Variants in MCUB observed in about 807,000 individuals in gnomAD.
MCUB encodes mitochondrial calcium uniporter dominant negative subunit beta.
In MCUB, 46 loss-of-function variants were observed where a neutral mutation model predicts 41.4. The ratio of observed to expected loss-of-function variants is 1.11; its 90% CI spans 0.88 to 1.42. The LOEUF (loss-of-function observed/expected upper bound fraction) is 1.42, where lower values mean the gene tolerates loss of function less well. Ranked by LOEUF, MCUB falls within the 40% of genes most tolerant of loss-of-function variation. The pLI is 0.00. For missense variants in MCUB, 403 were observed against 404.9 expected, an observed-to-expected ratio of 1.00 and a Z score of 0.04; for synonymous variants, 148 against 148.2, an observed-to-expected ratio of 1.00 and a Z score of 0.01.
At chr4:109,619,629 C>T (rs1473060196) in intron 1 of MCUB, among the ~76,000 whole-genome samples, 1 of 152,120 alleles carries the variant, frequency 6.6e-6, no homozygotes, top group Non-Finnish European at 1.5e-5. Context: ...ATCACTTGAA[C>T]CTGGGAGGTG....
intron 1 of MCUB, among the ~76,000 whole-genome samples, chr4:109,626,028 T>C (rs928094421): frequency 6.6e-5 from 10 of 152,322 alleles, no homozygotes; most frequent in Non-Finnish European, 1.2e-4. Flanking sequence ...TAGTTACAAA[T>C]GGGTGTCCTA....
intron 1 of MCUB, among the ~76,000 whole-genome samples, chr4:109,570,094 A>G (rs927120067): frequency 1.3e-5 from 2 of 152,196 alleles, no homozygotes; most frequent in African/African-American, 4.8e-5. Context: ...TACTTCCATA[A>G]ATAGAGCCTT....
chr4:109,659,280 G>GC (rs5860986), intron 2 of MCUB, among the ~76,000 whole-genome samples, 194 bp downstream of exon 2: 149,456 of 152,122 alleles, frequency 0.98, 73,438 homozygotes, highest in East Asian at 1. Flanking sequence ...TCCCACCTCA[G>GC]AATCAGAGGA....
At chr4:109,640,961 A>T (rs1343499811) in intron 1 of MCUB, among the ~76,000 whole-genome samples, 1 of 152,222 alleles carries the variant, frequency 6.6e-6, no homozygotes, top group African/African-American at 2.4e-5. Flanking sequence ...AGTAAGAGAT[A>T]TGCCACTCTT....
chr4:109,683,859 A>AGG (rs1729771917), intron 5 of MCUB, among the ~76,000 whole-genome samples: 1 of 152,208 alleles, frequency 6.6e-6, no homozygotes, highest in African/African-American at 2.4e-5. Context: ...TGGGTTTCAG[A>AGG]GGATGACTTC....
At chr4:109,598,616 AC>A (rs952683036) in intron 1 of MCUB, among the ~76,000 whole-genome samples, 7 of 151,536 alleles carry the variant, frequency 4.6e-5, no homozygotes, top group Non-Finnish European at 1.0e-4. Context: ...CGGTGGGGAG[AC>A]GGGAGAGGGA....
chr4:109,670,060 C>A (rs951427539), intron 4 of MCUB, among the ~76,000 whole-genome samples: 1 of 152,042 alleles, frequency 6.6e-6, no homozygotes, highest in Non-Finnish European at 1.5e-5. Flanking sequence ...GTGTTTTTTG[C>A]CTTTTAGTAA....
intron 1 of MCUB, among the ~76,000 whole-genome samples, chr4:109,569,519 T>G (rs1726860886): frequency 6.9e-6 from 1 of 145,520 alleles, no homozygotes; most frequent in Non-Finnish European, 1.5e-5. Flanking sequence ...TTTTTTTTTT[T>G]TTGAGATGGA....
intron 1 of MCUB, among the ~76,000 whole-genome samples, chr4:109,658,061 C>A (rs1357073564): frequency 6.6e-6 from 1 of 152,194 alleles, no homozygotes; most frequent in Non-Finnish European, 1.5e-5. Context: ...CTCCTGAGCT[C>A]AAGCAATCCT....
In MCUB at chr4:109,622,892, C is replaced by G. The variant is rs145847695; in HGVS notation, c.100-36119C>G. On this transcript the variant is annotated intron_variant, in intron 1 of 7. Transcript: ENST00000394650. ...CAGCAAGCTACAGCTCCCAGCCAGC[C>G]ACGCATCATGCAGGTCAACAACCAA... 5.3e-5 allele frequency among the ~76,000 whole-genome samples: 8 copies of G among 152,314 alleles called. 1 individual carries two copies. Among genetic ancestry groups the G allele is most frequent in the Non-Finnish European group, 1.2e-4 (8 of 68,030 alleles).
At position 109,674,247 on chromosome 4, in the gene MCUB, A is replaced by G. The variant is rs527665356; in HGVS notation, c.452-8335A>G. 1.2e-4 allele frequency: 83 copies of G among 683,780 alleles called. No homozygotes were observed. The Middle Eastern group carries it at 1.2e-3, about 10-fold the overall frequency. The allele number at this position is 683,780 out of a possible 1,614,324, so 42.4% of individuals were successfully genotyped here. A position where few individuals can be genotyped will look rare whatever the true frequency, so the allele number is the denominator to read the frequency against. ...TTTAGATGGTAACATGGCATTTTGA[A>G]TACTGGCTTCCTTTCTTGCAGGCTT... On this transcript the variant is annotated intron_variant, in intron 4 of 7. Transcript: ENST00000394650.
intron 1 of MCUB, among the ~76,000 whole-genome samples, chr4:109,574,019 C>T (rs895518651): frequency 2.0e-5 from 3 of 151,594 alleles, no homozygotes; most frequent in Non-Finnish European, 4.4e-5. Flanking sequence ...ATTACAGGCG[C>T]GCCACCACCA....
At chr4:109,573,300 A>C (rs544750937) in intron 1 of MCUB, among the ~76,000 whole-genome samples, 8 of 152,210 alleles carry the variant, frequency 5.3e-5, no homozygotes, top group African/African-American at 1.7e-4. Flanking sequence ...AAAATACAAA[A>C]AAATTAGCCA....
intron 1 of MCUB, among the ~76,000 whole-genome samples, chr4:109,638,680 C>T (rs1350459298): frequency 1.3e-5 from 2 of 152,154 alleles, no homozygotes; most frequent in African/African-American, 4.8e-5. Flanking sequence ...TATTTGATAA[C>T]ATTTTACCCA....
intron 1 of MCUB, among the ~76,000 whole-genome samples, chr4:109,628,699 G>A (rs1200628383): frequency 6.6e-6 from 1 of 152,200 alleles, no homozygotes; most frequent in African/African-American, 2.4e-5. Flanking sequence ...TACTGAGCTA[G>A]GGAAAAGTAG....
chr4:109,666,718 A>C (rs1386817399), intron 4 of MCUB, among the ~76,000 whole-genome samples: 1 of 152,136 alleles, frequency 6.6e-6, no homozygotes, highest in Non-Finnish European at 1.5e-5. Context: ...ATTTTCTCCC[A>C]GGCTATGGCT....
intron 4 of MCUB, among the ~76,000 whole-genome samples, chr4:109,679,463 C>G (rs940582531): frequency 6.6e-6 from 1 of 152,252 alleles, no homozygotes; most frequent in African/African-American, 2.4e-5. Flanking sequence ...CCGGTCAACA[C>G]GGCGAAACCC....
At chr4:109,623,109 A>C (rs1193340270) in intron 1 of MCUB, among the ~76,000 whole-genome samples, 1 of 152,228 alleles carries the variant, frequency 6.6e-6, no homozygotes, top group African/African-American at 2.4e-5. Flanking sequence ...TGGCCATTGC[A>C]CAAGAGTTGG....
chr4:109,612,646 C>A (rs1728037714), intron 1 of MCUB, among the ~76,000 whole-genome samples: 1 of 152,138 alleles, frequency 6.6e-6, no homozygotes, highest in South Asian at 2.1e-4. Context: ...CTTTCAAAGG[C>A]TCAATCTCCT....
Sources: gnomAD v4.1 joint callset for allele counts (sites outside exome capture counted in the v4.1 genomes callset) on GRCh38, gnomAD v4.1.1 for gene constraint, MANE v1.5 for transcripts, NCBI Gene and HGNC (gene_info 2026-07-23, HGNC 2026-07-21) for gene names.